MROH2B: variants seen among roughly 807,000 people sequenced by gnomAD.
MROH2B encodes the protein maestro heat like repeat family member 2B.
In MROH2B, 177 loss-of-function variants were observed where a neutral mutation model predicts 208.6. The observed-to-expected ratio is 0.85, with a 90% confidence interval of 0.75 to 0.96. The LOEUF (loss-of-function observed/expected upper bound fraction) is 0.96. MROH2B is among the 40% of genes least tolerant of loss of function. The pLI, the probability that MROH2B is intolerant of heterozygous loss-of-function variation, is 0.00. For missense variants in MROH2B, 2,002 were observed against 1,878.7 expected (o/e 1.07, Z -1.21); for synonymous variants, 728 against 659.0 (o/e 1.10, Z -1.60).
chr5:41,064,420 G>A, intron 5 of MROH2B, 52 bp downstream of exon 5: 1 of 1,465,670 alleles, frequency 6.8e-7, no homozygotes. Context: ...TAATTTGTAA[G>A]ACAGTTCACA....
chr5:41,000,080 T>G, intron 39 of MROH2B, 140 bp downstream of exon 39: 2 of 1,134,258 alleles, frequency 1.8e-6, no homozygotes, highest in Non-Finnish European at 1.3e-6. Flanking sequence ...CTATATCCTG[T>G]GAAATCAGGA....
At chr5:41,016,907 G>T (rs1741974214) in intron 28 of MROH2B, among the ~76,000 whole-genome samples, 1 of 150,680 alleles carries the variant, frequency 6.6e-6, no homozygotes, top group South Asian at 2.1e-4. Context: ...CTCTGCTGAA[G>T]AGTTTTTTCT....
At chr5:41,038,998 G>A in intron 20 of MROH2B, 110 bp from the exon 21 acceptor site, 3 of 959,646 alleles carry the variant, frequency 3.1e-6, no homozygotes, top group Non-Finnish European at 4.6e-6. Flanking sequence ...AAACTGGACT[G>A]GGATGATTCG....
intron 31 of MROH2B, 121 bp from the exon 32 acceptor site, chr5:41,009,527 T>C: frequency 8.2e-7 from 1 of 1,220,542 alleles, no homozygotes; most frequent in East Asian, 2.3e-5. Flanking sequence ...CAGATGGACA[T>C]GCTGCCATGC....
intron 24 of MROH2B, among the ~76,000 whole-genome samples, chr5:41,032,127 C>T (rs1333788033): frequency 6.6e-6 from 1 of 152,042 alleles, no homozygotes; most frequent in African/African-American, 2.4e-5. Context: ...TGTAGCTCTC[C>T]TTTAAGTTCC....
intron 3 of MROH2B, among the ~76,000 whole-genome samples, chr5:41,066,461 G>A (rs1366239273): frequency 6.6e-6 from 1 of 152,134 alleles, no homozygotes; most frequent in African/African-American, 2.4e-5. Context: ...CAGAGTTCAG[G>A]GCCAACCAGT....
intron 24 of MROH2B, among the ~76,000 whole-genome samples, chr5:41,020,973 G>C (rs12055243): frequency 6.6e-6 from 1 of 152,016 alleles, no homozygotes; most frequent in African/African-American, 2.4e-5. Context: ...AATTAAAAAG[G>C]TATCTAAATT....
Position 41,032,569 on chromosome 5 carries a change from C to A in MROH2B, c.2441+173G>T, listed in dbSNP as rs574897471. ...AGTCATCAAATGACCAATTTCTCAG[C>A]CAGATCCATAACTCTTTGGAAGGAG... is the stretch of plus-strand genomic sequence containing the variant. On this transcript the variant is annotated intron_variant, in intron 24 of 41. Transcript: ENST00000399564. Among the ~76,000 whole-genome samples the A allele has an allele frequency of 3.3e-5, 5 of 152,154 alleles. No individual in the cohort carries two copies. In the South Asian group the frequency reaches 1.0e-3, roughly 32 times the overall value.
chr5:41,006,551 C>T (rs920176772), intron 34 of MROH2B, among the ~76,000 whole-genome samples: 1 of 152,142 alleles, frequency 6.6e-6, no homozygotes, highest in Non-Finnish European at 1.5e-5. Context: ...TTTACAGCAG[C>T]ACAATTTGCA....
rs759938149 is a variant in MROH2B, at chr5:41,018,702, C to A, written c.2662G>T (p.Glu888Ter). The A allele has an allele frequency of 1.8e-5, 29 of 1,613,762 alleles. No homozygotes were observed. The East Asian group carries it at 2.5e-4, about 14-fold the overall frequency. ...GAGGCTCTACTCACATTAAACATTT[C>A]TTGACAGTCCTCTGCATTCACATTA... ...WDNVNAEDCQEMFNLLQMWLV... is the reference protein window; with the variant it reads ...WDNVNAEDCQ The change falls in exon 26 of 42, where the codon GAA becomes TAA. Residue 888 changes from glutamate (E) to a stop codon, truncating the protein, a stop_gained. Coordinates refer to ENST00000399564, the MANE Select transcript of MROH2B (RefSeq NM_173489.5). LOFTEE classifies it high-confidence loss of function.
intron 29 of MROH2B, among the ~76,000 whole-genome samples, chr5:41,014,876 C>T (rs928661742): frequency 6.6e-6 from 1 of 151,858 alleles, no homozygotes; most frequent in African/African-American, 2.4e-5. Flanking sequence ...TTTGGATTTC[C>T]TTTACTAAGA....
At chr5:41,060,912 G>A (rs1220291948) in intron 6 of MROH2B, among the ~76,000 whole-genome samples, 1 of 152,144 alleles carries the variant, frequency 6.6e-6, no homozygotes, top group African/African-American at 2.4e-5. Flanking sequence ...AAGCTGCTAA[G>A]TGTTAAACCT....
intron 24 of MROH2B, among the ~76,000 whole-genome samples, chr5:41,029,388 T>C (rs1358662683): frequency 6.6e-6 from 1 of 152,190 alleles, no homozygotes; most frequent in African/African-American, 2.4e-5. Flanking sequence ...ATCAGATACA[T>C]GGTTTGCAAA....
chr5:41,027,020 C>A (rs1468217593), intron 24 of MROH2B, among the ~76,000 whole-genome samples: 2 of 151,596 alleles, frequency 1.3e-5, no homozygotes, highest in African/African-American at 4.9e-5. Context: ...TTCCTTACAC[C>A]TTATACAAAA....
At chr5:41,027,973 G>C (rs1334314939) in intron 24 of MROH2B, among the ~76,000 whole-genome samples, 2 of 151,912 alleles carry the variant, frequency 1.3e-5, no homozygotes, top group East Asian at 3.9e-4. Context: ...TCACTCACAG[G>C]TGGGAACTGA....
At chr5:40,998,462 G>A in intron 41 of MROH2B, 150 bp downstream of exon 41, 1 of 666,460 alleles carries the variant, frequency 1.5e-6, no homozygotes, top group Non-Finnish European at 2.6e-6. Context: ...TTTGTACCCT[G>A]GAGAAATTCT....
At chr5:41,047,819 C>A in intron 16 of MROH2B, 55 bp from the exon 17 acceptor site, 1 of 1,457,084 alleles carries the variant, frequency 6.9e-7, no homozygotes, top group South Asian at 1.2e-5. Flanking sequence ...CCCCAAGACT[C>A]AAATTCTCCC....
intron 37 of MROH2B, 129 bp from the exon 38 acceptor site, chr5:41,000,962 A>G (rs1741380759): frequency 2.0e-6 from 2 of 1,009,238 alleles, no homozygotes; most frequent in Admixed American, 5.9e-5. Context: ...CTTGTCCATC[A>G]TAGTCACGGC....
chr5:41,000,918 C>T (rs1741378713), intron 37 of MROH2B, 85 bp from the exon 38 acceptor site: 4 of 1,435,676 alleles, frequency 2.8e-6, no homozygotes, highest in Non-Finnish European at 3.7e-6. Flanking sequence ...TCCCACCCTT[C>T]CCGCTTCAGC....
Sources: allele counts gnomAD v4.1 joint callset (sites outside exome capture counted in the v4.1 genomes callset), GRCh38; gene constraint gnomAD v4.1.1; transcripts MANE v1.5; gene names NCBI Gene and HGNC (gene_info 2026-07-23, HGNC 2026-07-21).